TSGA13: variants seen among roughly 807,000 people sequenced by gnomAD.
The protein encoded by TSGA13 is testis-specific gene 13 protein.
Under a neutral mutation model 35.1 loss-of-function variants are expected in TSGA13, and 37 were observed. The ratio of observed to expected loss-of-function variants is 1.05; its 90% CI spans 0.81 to 1.39. The LOEUF (loss-of-function observed/expected upper bound fraction) is 1.39, where lower values mean the gene tolerates loss of function less well. TSGA13 is among the 40% of genes most tolerant of loss of function. TSGA13 has a pLI of 0.00. For synonymous variants in TSGA13, 124 were observed against 121.2 expected (o/e 1.02, Z -0.15); for missense variants, 338 against 328.5 (o/e 1.03, Z -0.22).
At position 130,685,197 on chromosome 7, in the gene TSGA13, C is replaced by T. The variant is rs1554465577; in HGVS notation, c.14G>A (p.Arg5Lys). The change falls in exon 2 of 8, where the codon AGA becomes AAA. Residue 5 changes from arginine (R) to lysine (K), a missense_variant. Coordinates refer to ENST00000356588, the MANE Select transcript of TSGA13 (RefSeq NM_052933.4). MSQK[R>K]QTKFQNGKSK... Reference sequence around the variant, plus strand: ...AAACAAGACTACATACTTGGTTTGTCTCTTTTGGCTCATTGCTGTTGACTG... The same window carrying T: ...AAACAAGACTACATACTTGGTTTGTTTCTTTTGGCTCATTGCTGTTGACTG... The T allele has an allele frequency of 2.5e-6, 4 of 1,613,276 alleles. No individual in the cohort carries two copies. The highest frequency in any genetic ancestry group is 1.3e-5 in the African/African-American group (1 of 74,920).
chr7:130,685,360 C>G lies in TSGA13; in HGVS notation c.-150G>C. On this transcript the variant is annotated splice_region_variant and 5_prime_UTR_variant, in exon 2 of 8. Transcript: ENST00000356588. ...TGTGTACTCATGCCCCATTCTTGAG[C>G]CTGTATGGGAAACAAGAAAAGACTG... 6.9e-7 allele frequency: 1 copy of G among 1,446,688 alleles called. No individual in the cohort carries two copies. Among genetic ancestry groups the G allele is most frequent in the Non-Finnish European group, 9.2e-7 (1 of 1,083,610 alleles). The allele number at this position is 1,446,688 out of a possible 1,614,324, so 89.6% of individuals were successfully genotyped here.
intron 6 of TSGA13, 21 bp downstream of exon 6, chr7:130,672,713 C>A (rs1181174193): frequency 6.2e-7 from 1 of 1,608,220 alleles, no homozygotes; most frequent in African/African-American, 1.3e-5. Flanking sequence ...AAAGCAAGTA[C>A]AAGAAGAAGC....
In TSGA13 at chr7:130,677,320, G is replaced by A. The variant is rs182546065; in HGVS notation, c.387+1835C>T. ...ATTATAACTCATCTTTCTGGGTTTT[G>A]TCTCTTCCACAACTACTAATGCACC... On this transcript the variant is annotated intron_variant, in intron 5 of 7. Coordinates refer to ENST00000356588, the MANE Select transcript of TSGA13 (RefSeq NM_052933.4). Among the ~76,000 whole-genome samples the A allele has an allele frequency of 1.8e-4, 27 of 152,190 alleles. No homozygotes were observed. The East Asian group carries it at 4.6e-3, about 26-fold the overall frequency.
At chr7:130,670,848 A>T (rs1253508757) in intron 7 of TSGA13, among the ~76,000 whole-genome samples, 1 of 152,110 alleles carries the variant, frequency 6.6e-6, no homozygotes, top group Non-Finnish European at 1.5e-5. Flanking sequence ...GCTAGTGTCA[A>T]GCCCCTGGCC....
intron 5 of TSGA13, among the ~76,000 whole-genome samples, chr7:130,677,919 A>G (rs546089253): frequency 6.6e-6 from 1 of 152,260 alleles, no homozygotes; most frequent in South Asian, 2.1e-4. Context: ...TTACTTTAAC[A>G]TACCTCATTT....
chr7:130,675,151 T>G (rs1263738050), intron 5 of TSGA13, among the ~76,000 whole-genome samples: 2 of 152,080 alleles, frequency 1.3e-5, no homozygotes, highest in African/African-American at 2.4e-5. Flanking sequence ...ATGTTTCTCC[T>G]ACTTTCTTCC....
chr7:130,683,668 G>A lies in TSGA13; in HGVS notation c.28C>T (p.Gln10Ter). Residue 10 changes from glutamine to a stop codon, truncating the protein, a stop_gained, in exon 3 of 8, where the codon CAA (glutamine) becomes TAA (stop). Coordinates refer to ENST00000356588, the MANE Select transcript of TSGA13 (RefSeq NM_052933.4). LOFTEE classifies it high-confidence loss of function. MSQKRQTKF[Q>*]NGKSKTSENS... ...TCTGAAGTCTTTGATTTGCCATTTT[G>A]AAACCTGAAAAAGAGGCAGAACATC... is the stretch of plus-strand genomic sequence containing the variant. The A allele has an allele frequency of 6.2e-7, 1 of 1,613,620 alleles. No individual in the cohort carries two copies. The highest frequency in any genetic ancestry group is 8.5e-7 in the Non-Finnish European group (1 of 1,179,730).
chr7:130,675,586 C>T (rs559538639), intron 5 of TSGA13, among the ~76,000 whole-genome samples: 1 of 152,206 alleles, frequency 6.6e-6, no homozygotes, highest in East Asian at 1.9e-4. Flanking sequence ...GGTTTCACCA[C>T]GTTAGCCAGG....
chr7:130,684,275 C>A (rs1401900101), intron 2 of TSGA13, among the ~76,000 whole-genome samples: 1 of 152,184 alleles, frequency 6.6e-6, no homozygotes, highest in African/African-American at 2.4e-5. Context: ...TCAACAATGG[C>A]AAATATTTCT....
chr7:130,683,937 A>G (rs1044694270), intron 2 of TSGA13, among the ~76,000 whole-genome samples: 4 of 152,228 alleles, frequency 2.6e-5, no homozygotes, highest in Non-Finnish European at 1.5e-5. Context: ...GGTTTCTTCT[A>G]AAATAAGGAT....
chr7:130,684,733 G>A (rs782137516), intron 2 of TSGA13, among the ~76,000 whole-genome samples: 8 of 152,084 alleles, frequency 5.3e-5, no homozygotes, highest in African/African-American at 7.2e-5. Context: ...TCTTAAAAAC[G>A]GTCCCAACAG....
In TSGA13 at chr7:130,669,090, G is replaced by A; in HGVS notation, c.752C>T (p.Thr251Ile). The part of the protein sequence containing the change: ...ASLLEDMPTR[T>I]APGESAFRNG... The stretch of plus-strand genomic sequence containing the variant: ...GCGGAAGGCGCTCTCCCCGGGCGCG[G>A]TTCTGGTGGGCATGTCTTCCAAGAG... Residue 251 changes from threonine to isoleucine, a missense_variant, in exon 8 of 8, where the codon ACC becomes ATC. Coordinates refer to ENST00000356588, the MANE Select transcript of TSGA13 (RefSeq NM_052933.4). The A allele has an allele frequency of 6.2e-7, 1 of 1,614,238 alleles. No homozygotes were observed.
At chr7:130,669,301 T>C (rs1481649095) in intron 7 of TSGA13, 118 bp from the exon 8 acceptor site, 5 of 1,273,518 alleles carry the variant, frequency 3.9e-6, no homozygotes, top group Non-Finnish European at 5.5e-6. Context: ...CTTTAGAGGG[T>C]AGATTTTGGA....
chr7:130,673,036 G>C (rs1165338925), intron 5 of TSGA13, among the ~76,000 whole-genome samples, 160 bp from the exon 6 acceptor site: 3 of 152,178 alleles, frequency 2.0e-5, no homozygotes, highest in Non-Finnish European at 2.9e-5. Flanking sequence ...ATCAGAGGAA[G>C]CCGTTCCCTG....
intron 2 of TSGA13, among the ~76,000 whole-genome samples, 173 bp from the exon 3 acceptor site, chr7:130,683,845 G>A (rs1221603705): frequency 1.3e-5 from 2 of 152,210 alleles, no homozygotes; most frequent in Non-Finnish European, 2.9e-5. Flanking sequence ...TATCCAGCCT[G>A]CATGCTAGGG....
upstream of TSGA13, chr7:130,687,303 G>A (rs1300919952): frequency 1.3e-5 from 2 of 152,214 alleles, no homozygotes; most frequent in African/African-American, 4.8e-5. Context: ...ATAGTGTCTT[G>A]TAGTTCTGTT....
intron 3 of TSGA13, among the ~76,000 whole-genome samples, chr7:130,682,715 G>A (rs1343907181): frequency 1.3e-5 from 2 of 152,216 alleles, no homozygotes; most frequent in Non-Finnish European, 2.9e-5. Flanking sequence ...TATGAGTTAA[G>A]AGGAGGCCCT....
At position 130,668,741 on chromosome 7, in the gene TSGA13, G is replaced by A. The variant is rs1796163216; in HGVS notation, c.*273C>T. 1.4e-6 allele frequency: 2 copies of A among 1,476,546 alleles called. No homozygotes were observed. The highest frequency in any genetic ancestry group is 9.1e-7 in the Non-Finnish European group (1 of 1,104,454). 91.5% of individuals were successfully genotyped at this position (1,476,546 alleles called of 1,614,324 possible). A position where few individuals can be genotyped will look rare whatever the true frequency, so the allele number is the denominator to read the frequency against. On this transcript the variant is annotated 3_prime_UTR_variant, in exon 8 of 8. Coordinates refer to ENST00000356588, the MANE Select transcript of TSGA13 (RefSeq NM_052933.4). ...CCGCAGCCGGCGAGCGGAAGAGGCT[G>A]CAGGAAGGCCGGCCCCGCGCTCTCA...
chr7:130,675,259 T>G (rs1796385961), intron 5 of TSGA13, among the ~76,000 whole-genome samples: 1 of 151,896 alleles, frequency 6.6e-6, no homozygotes, highest in East Asian at 1.9e-4. Flanking sequence ...ATATGGGTTT[T>G]TTTCTACCTA....
Sources: allele counts gnomAD v4.1 joint callset (sites outside exome capture counted in the v4.1 genomes callset), GRCh38; gene constraint gnomAD v4.1.1; transcripts MANE v1.5; gene names NCBI Gene and HGNC (gene_info 2026-07-23, HGNC 2026-07-21).